The following ETS1 variants were observed in gnomAD, a reference collection of about 807,000 sequenced individuals.
The protein encoded by ETS1 is ETS proto-oncogene 1, transcription factor.
ETS1 carries 15 observed loss-of-function variants against 58.6 expected under a neutral mutation model. The ratio of observed to expected loss-of-function variants is 0.26; its 90% CI spans 0.17 to 0.39. ETS1 has a LOEUF of 0.39. ETS1 is among the 10% of genes least tolerant of loss of function. The pLI, the probability that ETS1 is intolerant of heterozygous loss-of-function variation, is 1.00. For missense variants in ETS1, 417 were observed against 610.5 expected (o/e 0.68, Z 3.34); for synonymous variants, 214 against 218.2 (o/e 0.98, Z 0.17).
intron 3 of ETS1, among the ~76,000 whole-genome samples, chr11:128,512,883 G>A (rs777303915): frequency 4.6e-5 from 7 of 152,258 alleles, no homozygotes; most frequent in Non-Finnish European, 8.8e-5. Context: ...CCACAGACTC[G>A]GCCTGCGGAA....
rs1029995312 is a variant in ETS1, at chr11:128,563,060, C to T, written c.70-6625G>A. Among the ~76,000 whole-genome samples the T allele has an allele frequency of 6.6e-5, 10 of 151,930 alleles. No individual in the cohort carries two copies. In the South Asian group the frequency reaches 1.0e-3, roughly 16 times the overall value. ...CTGTGGAGTGGGTGATCTATTCTTT[C>T]GGTCTTCTGTCTTTAGCAGAACAGT... is the stretch of plus-strand genomic sequence containing the variant. On this transcript the variant is annotated intron_variant, in intron 2 of 9. Transcript: ENST00000392668.
chr11:128,489,208 G>A (rs952797208), intron 5 of ETS1, 82 bp downstream of exon 5: 80 of 1,186,520 alleles, frequency 6.7e-5, no homozygotes, highest in Admixed American at 3.1e-4. Context: ...AGGCATTGAC[G>A]TCCCACCATT....
chr11:128,480,195 G>A lies in ETS1; in HGVS notation c.1119C>T (p.Tyr373=). ...PVIPAAALAG[Y]TGSGPIQLWQ... ...AAGCAGCGGGAGGGCGCCTACCTGT[G>A]TAGCCAGCTAGGGCAGCAGCAGGAA... Residue 373 remains tyrosine (Y), a synonymous_variant, in exon 8 of 10, where the codon TAC becomes TAT. Coordinates refer to ENST00000392668, the MANE Select transcript of ETS1 (RefSeq NM_001143820.2). 6.2e-6 allele frequency: 10 copies of A among 1,613,854 alleles called. No individual in the cohort carries two copies. The highest frequency in any genetic ancestry group is 8.5e-6 in the Non-Finnish European group (10 of 1,179,962).
rs149958319 is a variant in ETS1 at position 128,568,235 on chromosome 11, G to T, written c.69+4827C>A. ...TCACTAGTCCCCCAGGAACTCCTCC[G>T]CACATCCTCCTTGCCGGTGAGACAT... is the stretch of plus-strand genomic sequence containing the variant. On this transcript the variant is annotated intron_variant, in intron 2 of 9. Transcript: ENST00000392668. Among the ~76,000 whole-genome samples, 4 of 152,170 alleles carry T rather than the reference G, an allele frequency of 2.6e-5. No individual in the cohort carries two copies. In the East Asian group the frequency reaches 7.7e-4, roughly 29 times the overall value.
Position 128,467,748 on chromosome 11 carries a change from C to T in ETS1, c.1124-4121G>A, listed in dbSNP as rs528570781. On this transcript the variant is annotated intron_variant, in intron 8 of 9. Transcript: ENST00000392668. Reference sequence around the variant, plus strand: ...TCAACAGCACCCTTCACGATGCTGCCCGGGAGTGTCACACATCAGGAATCC... The same window carrying T: ...TCAACAGCACCCTTCACGATGCTGCTCGGGAGTGTCACACATCAGGAATCC... Among the ~76,000 whole-genome samples the T allele has an allele frequency of 2.0e-5, 3 of 152,256 alleles. No individual in the cohort carries two copies. In the East Asian group the frequency reaches 5.8e-4, roughly 29 times the overall value.
At chr11:128,521,901 G>A (rs1863683441) in intron 3 of ETS1, 3 of 1,588,710 alleles carry the variant, frequency 1.9e-6, no homozygotes, top group Admixed American at 1.7e-5. Flanking sequence ...GGCCTCGGCC[G>A]TCGCCACTCA....
intron 1 of ETS1, among the ~76,000 whole-genome samples, chr11:128,582,012 T>C (rs1478614072): frequency 6.6e-6 from 1 of 152,080 alleles, no homozygotes; most frequent in East Asian, 1.9e-4. Flanking sequence ...CATGGTGGAG[T>C]TTCATTTGTT....
At chr11:128,542,251 C>A (rs1260752093) in intron 3 of ETS1, among the ~76,000 whole-genome samples, 1 of 152,130 alleles carries the variant, frequency 6.6e-6, no homozygotes, top group African/African-American at 2.4e-5. Context: ...CCATTATGAA[C>A]AAGGCATTCT....
At chr11:128,469,907 G>A (rs188716196) in intron 8 of ETS1, among the ~76,000 whole-genome samples, 6 of 152,210 alleles carry the variant, frequency 3.9e-5, no homozygotes, top group Non-Finnish European at 8.8e-5. Flanking sequence ...TGGCCAATAC[G>A]GCCGTGGTTT....
intron 3 of ETS1, among the ~76,000 whole-genome samples, chr11:128,553,069 C>T (rs549370710): frequency 2.6e-5 from 4 of 152,182 alleles, no homozygotes; most frequent in East Asian, 1.9e-4. Context: ...ACATTTCAGC[C>T]GTGTCTTGTG....
chr11:128,501,294 T>C (rs181755408), intron 3 of ETS1, among the ~76,000 whole-genome samples: 2 of 152,318 alleles, frequency 1.3e-5, no homozygotes, highest in South Asian at 4.1e-4. Flanking sequence ...GAGATGATCA[T>C]CTTACTCCAT....
At chr11:128,561,568 T>C (rs1351519531) in intron 2 of ETS1, among the ~76,000 whole-genome samples, 1 of 152,080 alleles carries the variant, frequency 6.6e-6, no homozygotes, top group South Asian at 2.1e-4. Context: ...GAAGAAAGAG[T>C]TGGGCCATGG....
chr11:128,469,929 C>G (rs7101513), intron 8 of ETS1, among the ~76,000 whole-genome samples: 57,460 of 152,044 alleles, frequency 0.38, 11,745 homozygotes, highest in East Asian at 0.56. Flanking sequence ...AAGACTCACT[C>G]TGTGTCAGTA....
At chr11:128,503,003 G>A (rs1022168573) in intron 3 of ETS1, among the ~76,000 whole-genome samples, 27 of 152,048 alleles carry the variant, frequency 1.8e-4, no homozygotes, top group Non-Finnish European at 2.2e-4. Context: ...AGAATCCCAC[G>A]TGCAAAGCTG....
intron 8 of ETS1, among the ~76,000 whole-genome samples, chr11:128,474,925 C>G (rs1374484402): frequency 6.6e-6 from 1 of 152,242 alleles, no homozygotes; most frequent in Non-Finnish European, 1.5e-5. Flanking sequence ...CTTCAGCAAG[C>G]CTGGAAGCCA....
intron 8 of ETS1, among the ~76,000 whole-genome samples, chr11:128,470,726 A>G (rs183976039): frequency 2.0e-5 from 3 of 152,316 alleles, no homozygotes; most frequent in Admixed American, 6.5e-5. Context: ...AAAAAATCTA[A>G]TTAGACTTCC....
intron 1 of ETS1, among the ~76,000 whole-genome samples, chr11:128,577,632 T>C (rs1864777156): frequency 6.6e-6 from 1 of 152,188 alleles, no homozygotes; most frequent in Non-Finnish European, 1.5e-5. Context: ...GGAGAAAGAC[T>C]AAGGCGATGC....
chr11:128,490,714 A>ATTTTTTTTTTTTTTTTTTTTTTTTTT (rs35432800), intron 3 of ETS1, 138 bp from the exon 4 acceptor site: 1 of 304,782 alleles, frequency 3.3e-6, no homozygotes. Flanking sequence ...AGAGCAGGCA[A>ATTTTTTTTTTTTTTTTTTTTTTTTTT]TTTTTTTTTT....
At chr11:128,473,177 C>A (rs1862232628) in intron 8 of ETS1, among the ~76,000 whole-genome samples, 1 of 152,180 alleles carries the variant, frequency 6.6e-6, no homozygotes, top group South Asian at 2.1e-4. Context: ...TGGGATTGAG[C>A]TAAATAATTG....
Sources: allele counts gnomAD v4.1 joint callset (sites outside exome capture counted in the v4.1 genomes callset), GRCh38; gene constraint gnomAD v4.1.1; transcripts MANE v1.5; gene names NCBI Gene and HGNC (gene_info 2026-07-23, HGNC 2026-07-21).